SCOC: variants seen among roughly 807,000 people sequenced by gnomAD.
The protein encoded by SCOC is short coiled-coil protein, also known as short coiled coil protein.
A neutral mutation model predicts 9.9 loss-of-function variants in SCOC; 7 were observed. The ratio of observed to expected loss-of-function variants is 0.71; its 90% CI spans 0.40 to 1.33. The LOEUF (loss-of-function observed/expected upper bound fraction) is 1.33. Among genes scored for constraint, SCOC ranks in the 40% most tolerant of loss-of-function variants. The pLI is 0.01. For missense variants in SCOC, 66 were observed against 89.7 expected, an observed-to-expected ratio of 0.74 and a Z score of 1.07; for synonymous variants, 19 against 28.2, an observed-to-expected ratio of 0.67 and a Z score of 1.03.
chr4:140,278,251 T>C (rs1278001935), intron 1 of SCOC, among the ~76,000 whole-genome samples: 3 of 151,986 alleles, frequency 2.0e-5, no homozygotes, highest in African/African-American at 7.3e-5. Flanking sequence ...GATGCCTTCT[T>C]GCTGTGTCCT....
chr4:140,378,131 A>T (rs1385054286), intron 1 of SCOC, among the ~76,000 whole-genome samples: 4 of 152,062 alleles, frequency 2.6e-5, no homozygotes, highest in South Asian at 2.1e-4. Context: ...TTACATCCTG[A>T]TTAGTCTGTT....
At chr4:140,379,474 G>C (rs1488101090) in intron 2 of SCOC, 95 bp from the exon 3 acceptor site, 6 of 896,638 alleles carry the variant, frequency 6.7e-6, no homozygotes, top group Non-Finnish European at 7.1e-6. Context: ...AGTCAAGTAA[G>C]AATGAATATA....
intron 1 of SCOC, among the ~76,000 whole-genome samples, chr4:140,292,471 G>A (rs1485309023): frequency 1.2e-4 from 19 of 152,172 alleles, no homozygotes; most frequent in Admixed American, 1.2e-3. Flanking sequence ...TTACAGGCAT[G>A]AGCCACTGAA....
At chr4:140,286,364 A>G (rs1731268351) in intron 1 of SCOC, among the ~76,000 whole-genome samples, 1 of 151,940 alleles carries the variant, frequency 6.6e-6, no homozygotes, top group African/African-American at 2.4e-5. Flanking sequence ...AAAGGCTGAA[A>G]AAAAAAAACA....
intron 1 of SCOC, among the ~76,000 whole-genome samples, chr4:140,274,859 A>AT (rs1242732186): frequency 6.6e-6 from 1 of 152,098 alleles, no homozygotes; most frequent in South Asian, 2.1e-4. Flanking sequence ...ACCTTAGCCT[A>AT]TTTTTTCTTC....
intron 1 of SCOC, among the ~76,000 whole-genome samples, chr4:140,335,021 T>A (rs1484676709): frequency 1.3e-5 from 2 of 152,208 alleles, no homozygotes; most frequent in South Asian, 2.1e-4. Context: ...TACAAAGTGA[T>A]TATTTCACTT....
intron 1 of SCOC, among the ~76,000 whole-genome samples, chr4:140,270,866 C>A (rs1366165735): frequency 2.0e-5 from 3 of 152,128 alleles, no homozygotes; most frequent in Admixed American, 6.5e-5. Flanking sequence ...CAGATAGATA[C>A]AATTACCCTA....
intron 2 of SCOC, chr4:140,343,858 A>G (rs963584354): frequency 2.0e-6 from 1 of 498,048 alleles, no homozygotes; most frequent in Non-Finnish European, 3.5e-6. Context: ...GGTTTTAATT[A>G]AGAGCTGTTT....
At chr4:140,366,539 C>A (rs1727805670) in intron 2 of SCOC, 2 of 1,579,708 alleles carry the variant, frequency 1.3e-6, no homozygotes, top group Admixed American at 1.7e-5. Flanking sequence ...TTAAAATGAT[C>A]AAAATCTGTC....
At chr4:140,327,094 T>C (rs566767319) in intron 1 of SCOC, among the ~76,000 whole-genome samples, 3 of 152,356 alleles carry the variant, frequency 2.0e-5, no homozygotes, top group African/African-American at 7.2e-5. Flanking sequence ...GACCTTGTTA[T>C]GATTTTCCTG....
Position 140,381,784 on chromosome 4 carries a change from G to T in SCOC, c.*680G>T, listed in dbSNP as rs539199257. On this transcript the variant is annotated 3_prime_UTR_variant, in exon 4 of 4. Transcript: ENST00000608372. ...AAACTGAATTAACTTGGGAATATTTGTTGTTAAAAACTTCTTTTTGCCCAA... is the reference window on the plus strand; with the variant it reads ...AAACTGAATTAACTTGGGAATATTTTTTGTTAAAAACTTCTTTTTGCCCAA... The T allele has an allele frequency of 2.2e-4, 33 of 152,184 alleles. 1 individual carries two copies. Among genetic ancestry groups the T allele is most frequent in the Admixed American group, 2.0e-3 (30 of 15,288 alleles). The allele number at this position is 152,184 out of a possible 1,614,324, so 9.4% of individuals were successfully genotyped here.
intron 1 of SCOC, among the ~76,000 whole-genome samples, chr4:140,330,883 A>G (rs1202025604): frequency 6.6e-6 from 1 of 152,250 alleles, no homozygotes; most frequent in Non-Finnish European, 1.5e-5. Context: ...AGATAAATAC[A>G]GTTTGTGCCC....
chr4:140,282,659 A>G (rs1289664014), intron 1 of SCOC, among the ~76,000 whole-genome samples: 1 of 152,222 alleles, frequency 6.6e-6, no homozygotes, highest in Admixed American at 6.5e-5. Context: ...TCCTTAGAGG[A>G]TGCAGCTCCA....
At position 140,382,272 on chromosome 4, in the gene SCOC, G is replaced by A. The variant is rs1728600414; in HGVS notation, c.*1168G>A. 1 of 152,098 alleles carries A rather than the reference G, an allele frequency of 6.6e-6. No individual in the cohort carries two copies. The highest frequency in any genetic ancestry group is 2.4e-5 in the African/African-American group (1 of 41,386). 9.4% of individuals were successfully genotyped at this position (152,098 alleles called of 1,614,324 possible). ...TCCTTTAACAATTTTTAAAAATTTA[G>A]CTTCTAGATTCCATTTGGTAAGGAA... On this transcript the variant is annotated 3_prime_UTR_variant, in exon 4 of 4. Coordinates refer to ENST00000608372, the MANE Select transcript of SCOC (RefSeq NM_001153484.2).
chr4:140,370,430 C>G (rs749099286), upstream of SCOC, among the ~76,000 whole-genome samples: 22 of 152,154 alleles, frequency 1.4e-4, no homozygotes, highest in Non-Finnish European at 2.8e-4. Context: ...AATTTGCCAG[C>G]CTTTTTTCAA....
intron 2 of SCOC, among the ~76,000 whole-genome samples, chr4:140,355,053 T>C (rs1352365831): frequency 6.6e-6 from 1 of 151,808 alleles, no homozygotes; most frequent in Non-Finnish European, 1.5e-5. Flanking sequence ...TGTGAGGATG[T>C]TGCCAAAGGA....
intron 1 of SCOC, among the ~76,000 whole-genome samples, chr4:140,261,363 T>C (rs1002650511): frequency 6.6e-6 from 1 of 152,218 alleles, no homozygotes; most frequent in African/African-American, 2.4e-5. Flanking sequence ...CAGTGAGCAT[T>C]GGTCAGTCAG....
chr4:140,277,551 T>G (rs1731011412), intron 1 of SCOC, among the ~76,000 whole-genome samples: 1 of 152,242 alleles, frequency 6.6e-6, no homozygotes, highest in Non-Finnish European at 1.5e-5. Flanking sequence ...GTAACTTATC[T>G]TTCTACTTCT....
At chr4:140,354,275 G>A (rs769420074) in intron 2 of SCOC, among the ~76,000 whole-genome samples, 9 of 152,060 alleles carry the variant, frequency 5.9e-5, no homozygotes, top group Non-Finnish European at 1.2e-4. Context: ...CTGTCACAGT[G>A]TTTCTCATCT....
Sources: gnomAD v4.1 joint callset for allele counts (sites outside exome capture counted in the v4.1 genomes callset) on GRCh38, gnomAD v4.1.1 for gene constraint, MANE v1.5 for transcripts, NCBI Gene and HGNC (gene_info 2026-07-23, HGNC 2026-07-21) for gene names.